The following MTMR7 variants were observed in gnomAD, a reference collection of about 807,000 sequenced individuals.
The protein encoded by MTMR7 is myotubularin related protein 7.
A neutral mutation model predicts 81.2 loss-of-function variants in MTMR7; 76 were observed. The ratio of observed to expected loss-of-function variants is 0.94; its 90% CI spans 0.78 to 1.13. MTMR7 has a LOEUF of 1.13. MTMR7 is among the 50% of genes most tolerant of loss of function. The pLI, the probability that MTMR7 is intolerant of heterozygous loss-of-function variation, is 0.00. For missense variants in MTMR7, 1,044 were observed against 820.0 expected (o/e 1.27, Z -3.34); for synonymous variants, 372 against 289.8 (o/e 1.28, Z -2.88).
intron 7 of MTMR7, among the ~76,000 whole-genome samples, chr8:17,327,161 A>G (rs1430595451): frequency 1.3e-5 from 2 of 152,244 alleles, no homozygotes; most frequent in Non-Finnish European, 2.9e-5. Flanking sequence ...AAACTTTTCT[A>G]TCAAGAAGGT....
intron 7 of MTMR7, among the ~76,000 whole-genome samples, chr8:17,314,480 C>T (rs1378903001): frequency 1.3e-5 from 2 of 152,132 alleles, no homozygotes; most frequent in East Asian, 3.9e-4. Context: ...CCAGATTCAA[C>T]TTTGTGAACT....
chr8:17,337,095 G>A (rs532523996), intron 6 of MTMR7, among the ~76,000 whole-genome samples: 138 of 152,212 alleles, frequency 9.1e-4, no homozygotes, highest in African/African-American at 3.2e-3. Context: ...ACCTTGGCTG[G>A]GCACCGTGGC....
intron 7 of MTMR7, among the ~76,000 whole-genome samples, chr8:17,329,253 TTCA>T (rs1424935862): frequency 1.3e-5 from 2 of 152,164 alleles, no homozygotes; most frequent in Non-Finnish European, 2.9e-5. Context: ...ATTGCAACAC[TTCA>T]TCATCAGCTC....
rs1479476140 is a variant in MTMR7 at position 17,297,953 on chromosome 8, A to AAAC, written c.*1906_*1908dup. On this transcript the variant is annotated 3_prime_UTR_variant, in exon 14 of 14. Transcript: ENST00000180173. The stretch of plus-strand genomic sequence containing the variant: ...CTGATATGGAAGTTGTCATATTAAA[A>AAAC]AACTACATTTTAAAACATCAAATAT... 1.3e-5 allele frequency: 2 copies of AAAC among 152,108 alleles called. No individual in the cohort carries two copies. Among genetic ancestry groups the AAAC allele is most frequent in the Non-Finnish European group, 2.9e-5 (2 of 67,932 alleles). 9.4% of individuals were successfully genotyped at this position (152,108 alleles called of 1,614,324 possible).
intron 5 of MTMR7, 133 bp from the exon 6 acceptor site, chr8:17,341,630 G>C: frequency 9.0e-7 from 1 of 1,111,836 alleles, no homozygotes; most frequent in Non-Finnish European, 1.3e-6. Context: ...ACGTGATACA[G>C]CTTTCTGGAA....
chr8:17,380,806 G>T (rs958502120), intron 1 of MTMR7, among the ~76,000 whole-genome samples: 2 of 152,126 alleles, frequency 1.3e-5, no homozygotes, highest in Non-Finnish European at 2.9e-5. Context: ...AATAATTATT[G>T]TAAGAAATCT....
rs1816685677 is a variant in MTMR7, at chr8:17,296,853, C to T, written c.*3009G>A. 2 of 152,040 alleles carry T rather than the reference C, an allele frequency of 1.3e-5. No homozygotes were observed. Among genetic ancestry groups the T allele is most frequent in the Admixed American group, 1.3e-4 (2 of 15,258 alleles). The allele number at this position is 152,040 out of a possible 1,614,324, so 9.4% of individuals were successfully genotyped here. ...GAACTATCCCAGTTTCATTCTATACCATTCATTGGATAACCTTGTTACAAC... is the reference window on the plus strand; with the variant it reads ...GAACTATCCCAGTTTCATTCTATACTATTCATTGGATAACCTTGTTACAAC... On this transcript the variant is annotated 3_prime_UTR_variant, in exon 14 of 14. Coordinates refer to ENST00000180173, the MANE Select transcript of MTMR7 (RefSeq NM_004686.5).
chr8:17,302,791 C>G (rs1335277101), intron 12 of MTMR7, among the ~76,000 whole-genome samples: 5 of 138,578 alleles, frequency 3.6e-5, no homozygotes, highest in African/African-American at 5.3e-5. Flanking sequence ...CGGCTCCTTG[C>G]AACCTCCACC....
At chr8:17,385,213 G>A (rs750530517) in intron 1 of MTMR7, among the ~76,000 whole-genome samples, 13 of 152,148 alleles carry the variant, frequency 8.5e-5, no homozygotes, top group Non-Finnish European at 1.9e-4. Flanking sequence ...AGTGTTGGAG[G>A]TGGGGCCTGG....
intron 9 of MTMR7, among the ~76,000 whole-genome samples, chr8:17,310,645 T>C (rs542222535): frequency 1.2e-4 from 19 of 152,244 alleles, no homozygotes; most frequent in African/African-American, 3.6e-4. Context: ...TCACAGGTAA[T>C]TGGAAGTTCT....
At chr8:17,337,313 C>T (rs951667264) in intron 6 of MTMR7, among the ~76,000 whole-genome samples, 5 of 147,616 alleles carry the variant, frequency 3.4e-5, no homozygotes, top group South Asian at 2.1e-4. Flanking sequence ...TGCAGTGATC[C>T]GAGATCGTGC....
chr8:17,331,420 G>A, intron 6 of MTMR7, 138 bp from the exon 7 acceptor site: 1 of 875,302 alleles, frequency 1.1e-6, no homozygotes, highest in Non-Finnish European at 1.7e-6. Flanking sequence ...TTGAATCACT[G>A]CAACCTTGTA....
intron 7 of MTMR7, among the ~76,000 whole-genome samples, chr8:17,317,213 A>G (rs1818133868): frequency 6.6e-6 from 1 of 152,160 alleles, no homozygotes; most frequent in Non-Finnish European, 1.5e-5. Flanking sequence ...ATCCATTCAC[A>G]TGTAAGAGCA....
At chr8:17,326,499 A>G (rs757989619) in intron 7 of MTMR7, 1 of 152,206 alleles carries the variant, frequency 6.6e-6, no homozygotes, top group East Asian at 1.9e-4. Context: ...CAGAATCACT[A>G]CTCAACAACG....
chr8:17,303,750 C>G (rs1338697934), intron 12 of MTMR7, among the ~76,000 whole-genome samples: 1 of 152,066 alleles, frequency 6.6e-6, no homozygotes, highest in Admixed American at 6.6e-5. Flanking sequence ...GCTAGGATTA[C>G]AGGCGCTCAC....
intron 1 of MTMR7, among the ~76,000 whole-genome samples, chr8:17,404,039 T>C (rs887088425): frequency 2.6e-5 from 4 of 152,198 alleles, no homozygotes; most frequent in African/African-American, 7.2e-5. Context: ...GACTGTTTCC[T>C]TTCCAGTTTA....
At chr8:17,387,843 T>TA (rs1175517749) in intron 1 of MTMR7, among the ~76,000 whole-genome samples, 2 of 152,074 alleles carry the variant, frequency 1.3e-5, no homozygotes, top group African/African-American at 2.4e-5. Context: ...TAGGTCAAGG[T>TA]AAAAAAAATT....
intron 1 of MTMR7, among the ~76,000 whole-genome samples, chr8:17,376,469 G>C (rs1286444231): frequency 6.6e-6 from 1 of 152,080 alleles, no homozygotes; most frequent in Non-Finnish European, 1.5e-5. Context: ...AGAATTGCTG[G>C]GTCATTTGGT....
At chr8:17,337,362 C>CCAAAAAA (rs1554511151) in intron 6 of MTMR7, among the ~76,000 whole-genome samples, 4 of 89,660 alleles carry the variant, frequency 4.5e-5, no homozygotes, top group Non-Finnish European at 5.3e-5. Context: ...AACTCCGTCC[C>CCAAAAAA]AAAAAAAAAA....
Sources: allele counts gnomAD v4.1 joint callset (sites outside exome capture counted in the v4.1 genomes callset), GRCh38; gene constraint gnomAD v4.1.1; transcripts MANE v1.5; gene names NCBI Gene and HGNC (gene_info 2026-07-23, HGNC 2026-07-21).